MGLL: variants seen among roughly 807,000 people sequenced by gnomAD.
The protein encoded by MGLL is monoglyceride lipase.
Under a neutral mutation model 29.1 loss-of-function variants are expected in MGLL, and 7 were observed. That is an observed-to-expected ratio of 0.24 (90% confidence interval 0.14 to 0.45). MGLL has a LOEUF of 0.45. MGLL is among the 20% of genes least tolerant of loss of function. The pLI is 0.99. For missense variants in MGLL, 356 were observed against 413.6 expected, an observed-to-expected ratio of 0.86 and a Z score of 1.21; for synonymous variants, 148 against 168.3, an observed-to-expected ratio of 0.88 and a Z score of 0.93.
intron 3 of MGLL, among the ~76,000 whole-genome samples, chr3:127,755,164 A>T (rs2076640369): frequency 6.6e-6 from 1 of 152,152 alleles, no homozygotes; most frequent in Admixed American, 6.5e-5. Flanking sequence ...AACCCCAGAG[A>T]GAAAAGGAGA....
At chr3:127,706,792 G>A (rs1046600387) in intron 6 of MGLL, among the ~76,000 whole-genome samples, 7 of 152,344 alleles carry the variant, frequency 4.6e-5, no homozygotes, top group Middle Eastern at 3.4e-3. Context: ...TTCTTAGCTC[G>A]TTCTCGGAGG....
At chr3:127,704,583 T>C (rs796604340) in intron 6 of MGLL, among the ~76,000 whole-genome samples, 13 of 152,152 alleles carry the variant, frequency 8.5e-5, no homozygotes, top group African/African-American at 3.1e-4. Flanking sequence ...GGGCAAAGGA[T>C]ATGAATAGAC....
intron 2 of MGLL, among the ~76,000 whole-genome samples, chr3:127,818,723 C>G (rs1234425928): frequency 6.6e-6 from 1 of 152,174 alleles, no homozygotes; most frequent in African/African-American, 2.4e-5. Flanking sequence ...AATCCCACTA[C>G]TGCCAGCAGG....
chr3:127,739,233 G>T (rs936686421), intron 3 of MGLL, among the ~76,000 whole-genome samples: 1 of 152,186 alleles, frequency 6.6e-6, no homozygotes, highest in African/African-American at 2.4e-5. Flanking sequence ...GGCCTCTTGT[G>T]GGGGGTTCAA....
intron 2 of MGLL, among the ~76,000 whole-genome samples, chr3:127,800,699 C>T (rs1040985108): frequency 1.3e-5 from 2 of 152,226 alleles, no homozygotes; most frequent in Admixed American, 6.5e-5. Flanking sequence ...CCTGCCACAA[C>T]TGATCTTATG....
intron 2 of MGLL, among the ~76,000 whole-genome samples, chr3:127,792,901 G>C (rs1293620292): frequency 6.6e-6 from 1 of 152,194 alleles, no homozygotes; most frequent in Non-Finnish European, 1.5e-5. Flanking sequence ...CACATGGCAG[G>C]TTTTCTGGCC....
intron 3 of MGLL, among the ~76,000 whole-genome samples, chr3:127,745,152 C>T (rs537495491): frequency 6.6e-6 from 1 of 152,308 alleles, no homozygotes; most frequent in East Asian, 1.9e-4. Context: ...TGAAAGCCGC[C>T]ATCGGGGCCA....
chr3:127,713,716 A>G (rs597956), intron 5 of MGLL: 137,333 of 152,316 alleles, frequency 0.9, 62,106 homozygotes, highest in African/African-American at 0.97. Flanking sequence ...TGGAGGTGCC[A>G]GTCCATCTTC....
intron 2 of MGLL, among the ~76,000 whole-genome samples, chr3:127,792,088 T>C (rs190527827): frequency 1.8e-4 from 28 of 152,240 alleles, no homozygotes; most frequent in African/African-American, 6.0e-4. Flanking sequence ...CGAACAAACA[T>C]GCAGCATCCC....
intron 2 of MGLL, among the ~76,000 whole-genome samples, chr3:127,782,912 G>C (rs1473523335): frequency 6.6e-6 from 1 of 152,160 alleles, no homozygotes; most frequent in Non-Finnish European, 1.5e-5. Context: ...AGTTGGGCCA[G>C]GCAAGGTGGC....
chr3:127,741,747 G>A (rs928524548), intron 3 of MGLL, among the ~76,000 whole-genome samples: 1 of 152,224 alleles, frequency 6.6e-6, no homozygotes, highest in African/African-American at 2.4e-5. Flanking sequence ...GCTGCTACAG[G>A]AAGATCGTGC....
intron 2 of MGLL, among the ~76,000 whole-genome samples, chr3:127,816,564 GGAT>G (rs2077759291): frequency 6.6e-6 from 1 of 152,174 alleles, no homozygotes; most frequent in African/African-American, 2.4e-5. Context: ...GATGTGAGGA[GGAT>G]ATTACGAGGA....
intron 3 of MGLL, among the ~76,000 whole-genome samples, chr3:127,745,181 T>C (rs1354755347): frequency 1.3e-5 from 2 of 152,172 alleles, no homozygotes; most frequent in African/African-American, 2.4e-5. Context: ...ACTGAGTGGA[T>C]TGCTGAAAGG....
At chr3:127,813,611 G>A (rs111900800) in intron 2 of MGLL, among the ~76,000 whole-genome samples, 59 of 152,334 alleles carry the variant, frequency 3.9e-4, no homozygotes, top group African/African-American at 1.3e-3. Flanking sequence ...GTGTGATCAG[G>A]AGGCTGCCCT....
chr3:127,785,189 C>T (rs1326872994), intron 2 of MGLL, among the ~76,000 whole-genome samples: 1 of 152,112 alleles, frequency 6.6e-6, no homozygotes, highest in Non-Finnish European at 1.5e-5. Context: ...GTGAGACCTT[C>T]CCCCCTCCTT....
chr3:127,774,736 C>T (rs985995423), intron 3 of MGLL, among the ~76,000 whole-genome samples: 3 of 150,782 alleles, frequency 2.0e-5, no homozygotes, highest in Non-Finnish European at 4.4e-5. Context: ...GCAGCAGCAC[C>T]CCCAGGGGCT....
intron 6 of MGLL, among the ~76,000 whole-genome samples, chr3:127,698,081 G>C (rs2075407490): frequency 6.6e-6 from 1 of 152,222 alleles, no homozygotes; most frequent in Non-Finnish European, 1.5e-5. Flanking sequence ...CCTGCTCTTG[G>C]CTTCGTTTTC....
chr3:127,757,062 G>C (rs978162809), intron 3 of MGLL, among the ~76,000 whole-genome samples: 5 of 152,226 alleles, frequency 3.3e-5, no homozygotes, highest in African/African-American at 4.8e-5. Context: ...GGTGGACAGA[G>C]TGATGGTAAG....
intron 3 of MGLL, among the ~76,000 whole-genome samples, chr3:127,732,637 C>T (rs765204826): frequency 4.6e-5 from 7 of 152,216 alleles, no homozygotes; most frequent in Non-Finnish European, 1.0e-4. Context: ...GATCTGGTTC[C>T]GTGTCAGGCA....
Sources: gnomAD v4.1 joint callset for allele counts (sites outside exome capture counted in the v4.1 genomes callset) on GRCh38, gnomAD v4.1.1 for gene constraint, MANE v1.5 for transcripts, NCBI Gene and HGNC (gene_info 2026-07-23, HGNC 2026-07-21) for gene names.